PWWP2B: variants seen among roughly 807,000 people sequenced by gnomAD.
PWWP2B encodes the protein PWWP domain containing 2B.
In PWWP2B, 9 loss-of-function variants were observed where a neutral mutation model predicts 15.5. The ratio of observed to expected loss-of-function variants is 0.58; its 90% CI spans 0.35 to 1.02. The LOEUF is 1.02. Ranked by LOEUF, PWWP2B falls within the 50% of genes least tolerant of loss-of-function variation. The pLI, the probability that PWWP2B is intolerant of heterozygous loss-of-function variation, is 0.02. For missense variants in PWWP2B, 864 were observed against 865.3 expected (o/e 1.00, Z 0.02); for synonymous variants, 474 against 403.6 (o/e 1.17, Z -2.09).
intron 2 of PWWP2B, among the ~76,000 whole-genome samples, chr10:132,408,083 G>A (rs962816588): frequency 6.6e-6 from 1 of 152,238 alleles, no homozygotes; most frequent in Non-Finnish European, 1.5e-5. Context: ...CTCACCAGAC[G>A]GGTTTGCCTG....
chr10:132,406,767 A>G (rs1364649789), intron 2 of PWWP2B, among the ~76,000 whole-genome samples: 3 of 152,170 alleles, frequency 2.0e-5, no homozygotes, highest in African/African-American at 7.2e-5. Flanking sequence ...CCAGGACATT[A>G]AAGGAGGGAG....
At chr10:132,402,420 T>C (rs917647844) in intron 1 of PWWP2B, among the ~76,000 whole-genome samples, 2 of 152,184 alleles carry the variant, frequency 1.3e-5, no homozygotes, top group Admixed American at 1.3e-4. Context: ...GCCCTTTCAT[T>C]GGGTCCTATG....
At chr10:132,398,469 C>G (rs988193771) in intron 1 of PWWP2B, among the ~76,000 whole-genome samples, 2 of 152,228 alleles carry the variant, frequency 1.3e-5, no homozygotes, top group Non-Finnish European at 2.9e-5. Context: ...CTTCCTCTGG[C>G]GGGCAGGGTT....
chr10:132,404,792 CG>C lies in PWWP2B; in HGVS notation c.293del (p.Arg98ProfsTer88). On this transcript the variant is annotated frameshift_variant, in exon 2 of 3. Coordinates refer to ENST00000305233, the MANE Select transcript of PWWP2B (RefSeq NM_138499.4). LOFTEE classifies it high-confidence loss of function. The part of the protein sequence containing the change: ...ARGVQPPETT[R>X]PEPPPPLVPP... ...CGGGGTTCAGCCCCCCGAGACCACC[CG>C]CCCCGAGCCACCCCCGCCCCTCGTG... 26 of 1,502,976 alleles carry C rather than the reference CG, an allele frequency of 1.7e-5. No homozygotes were observed. Among genetic ancestry groups the C allele is most frequent in the Non-Finnish European group, 2.3e-5 (25 of 1,106,778 alleles). 93.1% of individuals were successfully genotyped at this position (1,502,976 alleles called of 1,614,324 possible).
chr10:132,406,361 G>A, intron 2 of PWWP2B, 72 bp downstream of exon 2: 4 of 1,319,126 alleles, frequency 3.0e-6, no homozygotes, highest in Non-Finnish European at 2.0e-6. Context: ...CCATGCCTCT[G>A]CTCCGGGCCC....
At chr10:132,402,723 G>T (rs1238233207) in intron 1 of PWWP2B, among the ~76,000 whole-genome samples, 2 of 152,222 alleles carry the variant, frequency 1.3e-5, no homozygotes, top group East Asian at 1.9e-4. Flanking sequence ...GGGCGGGGGT[G>T]GGGGCTGGTT....
At position 132,405,384 on chromosome 10, in the gene PWWP2B, A is replaced by T. The variant is rs2069680088; in HGVS notation, c.884A>T (p.Glu295Val). 1 of 1,611,106 alleles carries T rather than the reference A, an allele frequency of 6.2e-7. No individual in the cohort carries two copies. Among genetic ancestry groups the T allele is most frequent in the Non-Finnish European group, 8.5e-7 (1 of 1,179,092 alleles). Residue 295 changes from glutamate to valine, a missense_variant, in exon 2 of 3, where the codon GAG (glutamate) becomes GTG (valine). By Grantham distance (121) the Glu-to-Val change is moderately radical (BLOSUM62 -2). Transcript: ENST00000305233. ...CAGGACGACGGCAGCCAGGACCCCG[A>T]GGTGCTGGACAGAGAGTCCCGGGAC... ...APQDDGSQDP[E>V]VLDRESRDRP...
At chr10:132,412,652 C>T (rs1321428706) in intron 2 of PWWP2B, among the ~76,000 whole-genome samples, 9 of 152,206 alleles carry the variant, frequency 5.9e-5, no homozygotes, top group Admixed American at 5.2e-4. Flanking sequence ...GGAGGGATTA[C>T]GAGGTGCTGG....
chr10:132,415,658 C>G (rs1045941348), intron 2 of PWWP2B, among the ~76,000 whole-genome samples: 8 of 146,474 alleles, frequency 5.5e-5, no homozygotes, highest in African/African-American at 2.2e-4. Context: ...CACACACATG[C>G]ACTCACACAC....
intron 1 of PWWP2B, among the ~76,000 whole-genome samples, chr10:132,403,783 C>CA (rs1306958863): frequency 6.6e-6 from 1 of 152,232 alleles, no homozygotes; most frequent in African/African-American, 2.4e-5. Flanking sequence ...GTGGCTCCCC[C>CA]AGCAGTGGCT....
At chr10:132,417,021 C>T in intron 2 of PWWP2B, 40 bp from the exon 3 acceptor site, 10 of 1,612,834 alleles carry the variant, frequency 6.2e-6, no homozygotes, top group African/African-American at 1.3e-5. Flanking sequence ...CCATACTCGA[C>T]CCTGAGTTAA....
At chr10:132,408,494 A>G (rs889945505) in intron 2 of PWWP2B, among the ~76,000 whole-genome samples, 6 of 151,932 alleles carry the variant, frequency 3.9e-5, no homozygotes, top group Middle Eastern at 3.4e-3. Context: ...TGCCCGAGGG[A>G]GGGGCGGGAG....
At chr10:132,409,167 C>T (rs2069744118) in intron 2 of PWWP2B, among the ~76,000 whole-genome samples, 1 of 152,232 alleles carries the variant, frequency 6.6e-6, no homozygotes, top group East Asian at 1.9e-4. Flanking sequence ...GCACTCCACC[C>T]CGGTGGTCAC....
chr10:132,415,684 C>T (rs1222129300), intron 2 of PWWP2B, among the ~76,000 whole-genome samples: 2 of 146,966 alleles, frequency 1.4e-5, no homozygotes, highest in East Asian at 3.9e-4. Context: ...CACACATATC[C>T]ACACACACAT....
intron 2 of PWWP2B, 25 bp downstream of exon 2, chr10:132,406,314 T>A: frequency 6.4e-7 from 1 of 1,558,908 alleles, no homozygotes; most frequent in Non-Finnish European, 8.7e-7. Flanking sequence ...GGCAGCCTCC[T>A]TCCCCCCAGC....
intron 1 of PWWP2B, among the ~76,000 whole-genome samples, chr10:132,399,202 C>A (rs1195458352): frequency 6.6e-6 from 1 of 152,264 alleles, no homozygotes; most frequent in Admixed American, 6.5e-5. Flanking sequence ...GCGTGGTGCC[C>A]GCCCTTATCC....
chr10:132,410,192 C>G (rs894250121), intron 2 of PWWP2B, among the ~76,000 whole-genome samples: 2 of 152,026 alleles, frequency 1.3e-5, no homozygotes, highest in African/African-American at 2.4e-5. Context: ...GCTCCTGGAA[C>G]TAGGGGAGCC....
Position 132,404,887 on chromosome 10 carries a change from G to T in PWWP2B, c.387G>T (p.Pro129=), listed in dbSNP as rs149315219. 2 of 1,495,102 alleles carry T rather than the reference G, an allele frequency of 1.3e-6. No individual in the cohort carries two copies. Among genetic ancestry groups the T allele is most frequent in the South Asian group, 1.1e-5 (1 of 89,462 alleles). 92.6% of individuals were successfully genotyped at this position (1,495,102 alleles called of 1,614,324 possible). A position where few individuals can be genotyped will look rare whatever the true frequency, so the allele number is the denominator to read the frequency against. Residue 129 remains proline, a synonymous_variant, in exon 2 of 3, where the codon CCG becomes CCT. Transcript: ENST00000305233. The part of the protein sequence containing the change: ...PYFEGAPFPH[P]LWLRDTYKLW... ...TCGAAGGCGCCCCCTTCCCTCACCC[G>T]CTGTGGCTCCGGGACACGTACAAGC...
chr10:132,411,774 GCCGCCGTCT>G (rs1476661715), intron 2 of PWWP2B, among the ~76,000 whole-genome samples: 1 of 152,248 alleles, frequency 6.6e-6, no homozygotes, highest in Non-Finnish European at 1.5e-5. Flanking sequence ...AAGCAGCGAC[GCCGCCGTCT>G]CCAGGCTTCG....
Sources: allele counts gnomAD v4.1 joint callset (sites outside exome capture counted in the v4.1 genomes callset), GRCh38; gene constraint gnomAD v4.1.1; transcripts MANE v1.5; gene names NCBI Gene and HGNC (gene_info 2026-07-23, HGNC 2026-07-21).